Variants in STIM1 observed in about 807,000 individuals in gnomAD.
The protein encoded by STIM1 is stromal interaction molecule 1.
Under a neutral mutation model 74.7 loss-of-function variants are expected in STIM1, and 25 were observed. That is an observed-to-expected ratio of 0.33 (90% CI 0.24 to 0.47). The LOEUF is 0.47. Ranked by LOEUF, STIM1 falls within the 20% of genes least tolerant of loss-of-function variation. The probability of loss-of-function intolerance (pLI) is 1.00; values close to 1 mark genes in which losing one functional copy is unlikely to be tolerated. For missense variants in STIM1, 728 were observed against 920.8 expected (o/e 0.79, Z 2.71); for synonymous variants, 328 against 348.8 (o/e 0.94, Z 0.66).
intron 2 of STIM1, among the ~76,000 whole-genome samples, chr11:4,011,408 A>C (rs1408308045): frequency 6.6e-6 from 1 of 152,158 alleles, no homozygotes; most frequent in Admixed American, 6.5e-5. Context: ...AATGATCTCC[A>C]TTCTAACTGG....
intron 1 of STIM1, among the ~76,000 whole-genome samples, chr11:3,901,656 G>C (rs1463335098): frequency 6.6e-6 from 1 of 152,250 alleles, no homozygotes; most frequent in Non-Finnish European, 1.5e-5. Context: ...TGTTGTTGTA[G>C]AAAGGTATAG....
At chr11:3,931,866 A>G (rs1033958947) in intron 1 of STIM1, among the ~76,000 whole-genome samples, 4 of 152,182 alleles carry the variant, frequency 2.6e-5, no homozygotes, top group African/African-American at 9.7e-5. Flanking sequence ...GTAATATCTG[A>G]GCCCTAGCCT....
Position 3,944,553 on chromosome 11 carries a change from A to G in STIM1, c.140-22999A>G, listed in dbSNP as rs555914106. On this transcript the variant is annotated intron_variant, in intron 1 of 12. Coordinates refer to ENST00000526596, the MANE Select transcript of STIM1 (RefSeq NM_001382567.1). ...CAGTTTTTAACTCTTCATCAATACT[A>G]TGTTTTGGATTTTCCTTTTGTGACA... Among the ~76,000 whole-genome samples the G allele has an allele frequency of 3.9e-5, 6 of 152,338 alleles. No homozygotes were observed. The East Asian group carries it at 7.7e-4, about 20-fold the overall frequency.
intron 1 of STIM1, among the ~76,000 whole-genome samples, chr11:3,860,428 A>C (rs969635798): frequency 2.6e-5 from 4 of 152,222 alleles, no homozygotes; most frequent in South Asian, 2.1e-4. Context: ...GAATCCAGGC[A>C]GTCTGATTCT....
At chr11:3,900,221 C>A (rs188942126) in intron 1 of STIM1, among the ~76,000 whole-genome samples, 1 of 152,134 alleles carries the variant, frequency 6.6e-6, no homozygotes, top group African/African-American at 2.4e-5. Flanking sequence ...ACTCCCTGGG[C>A]GTATGACCCT....
intron 4 of STIM1, among the ~76,000 whole-genome samples, chr11:4,057,063 C>T (rs187200981): frequency 2.0e-5 from 3 of 152,026 alleles, no homozygotes; most frequent in African/African-American, 7.2e-5. Flanking sequence ...TCTGGTGGGC[C>T]CAGAGGACAA....
chr11:3,920,088 A>G (rs1487896916), intron 1 of STIM1, among the ~76,000 whole-genome samples: 1 of 151,172 alleles, frequency 6.6e-6, no homozygotes, highest in Middle Eastern at 3.4e-3. Flanking sequence ...CTTAAAAAAA[A>G]AATTCACATT....
At chr11:3,880,787 C>G (rs1236801635) in intron 1 of STIM1, among the ~76,000 whole-genome samples, 1 of 152,194 alleles carries the variant, frequency 6.6e-6, no homozygotes, top group African/African-American at 2.4e-5. Context: ...AGAGGTCAGT[C>G]AGCCCCTTTC....
chr11:3,941,585 ATGTGTGTG>A (rs111336047), intron 1 of STIM1, among the ~76,000 whole-genome samples: 51 of 139,656 alleles, frequency 3.7e-4, no homozygotes, highest in East Asian at 1.0e-3. Flanking sequence ...AAGCATATAT[ATGTGTGTG>A]TGTGTGTGTG....
At chr11:4,010,627 A>G (rs1295009453) in intron 2 of STIM1, among the ~76,000 whole-genome samples, 1 of 152,162 alleles carries the variant, frequency 6.6e-6, no homozygotes, top group African/African-American at 2.4e-5. Context: ...TAATTTTGAG[A>G]GGAAAATAGG....
At chr11:3,943,120 A>T (rs2093030757) in intron 1 of STIM1, among the ~76,000 whole-genome samples, 1 of 152,192 alleles carries the variant, frequency 6.6e-6, no homozygotes, top group Non-Finnish European at 1.5e-5. Context: ...GTGTCTGTGC[A>T]TGCTCAGCCT....
rs1055329219 is a variant in STIM1 at position 3,924,251 on chromosome 11, T to G, written c.140-43301T>G. 2.7e-5 allele frequency among the ~76,000 whole-genome samples: 4 copies of G among 150,026 alleles called. No homozygotes were observed. The Admixed American group carries it at 2.7e-4, about 10-fold the overall frequency. Reference sequence around the variant, plus strand: ...TCTCCCTCTGTCACCCAGTCTGGAGTGCAGTGGCGCAATCTCGGCTCACTG... The same window carrying G: ...TCTCCCTCTGTCACCCAGTCTGGAGGGCAGTGGCGCAATCTCGGCTCACTG... On this transcript the variant is annotated intron_variant, in intron 1 of 12. Transcript: ENST00000526596.
At chr11:3,863,165 A>T (rs1159773111) in intron 1 of STIM1, among the ~76,000 whole-genome samples, 1 of 151,468 alleles carries the variant, frequency 6.6e-6, no homozygotes, top group Admixed American at 6.6e-5. Flanking sequence ...AAGTGTTGGG[A>T]TTACAGGCGT....
intron 1 of STIM1, among the ~76,000 whole-genome samples, chr11:3,928,614 T>C (rs1401159471): frequency 6.6e-6 from 1 of 152,136 alleles, no homozygotes; most frequent in Non-Finnish European, 1.5e-5. Flanking sequence ...TGTGCGCGTG[T>C]GTGCATGTGT....
At chr11:4,025,439 C>T (rs903890272) in intron 3 of STIM1, among the ~76,000 whole-genome samples, 2 of 152,158 alleles carry the variant, frequency 1.3e-5, no homozygotes, top group African/African-American at 4.8e-5. Context: ...TCTTTAATAG[C>T]TCTCGAGCAA....
intron 1 of STIM1, among the ~76,000 whole-genome samples, chr11:3,903,981 G>A (rs1252098083): frequency 6.6e-5 from 10 of 152,016 alleles, no homozygotes; most frequent in African/African-American, 2.2e-4. Flanking sequence ...GGTAGATCAC[G>A]AGGTCAGCAG....
rs767575798 is a variant in STIM1 at position 4,007,142 on chromosome 11, G to T, written c.271-16731G>T. Among the ~76,000 whole-genome samples, 9 of 152,104 alleles carry T rather than the reference G, an allele frequency of 5.9e-5. 1 individual carries two copies. Among genetic ancestry groups the T allele is most frequent in the Non-Finnish European group, 1.2e-4 (8 of 68,018 alleles). On this transcript the variant is annotated intron_variant, in intron 2 of 12. Transcript: ENST00000526596. Reference sequence around the variant, plus strand: ...GGGAGATCATTTTTCTGGGCGCATGGAACTAAATATACTTACTGACAGCTG... The same window carrying T: ...GGGAGATCATTTTTCTGGGCGCATGTAACTAAATATACTTACTGACAGCTG...
intron 2 of STIM1, among the ~76,000 whole-genome samples, chr11:4,011,503 G>T (rs1000624671): frequency 1.3e-5 from 2 of 152,104 alleles, no homozygotes; most frequent in African/African-American, 2.4e-5. Flanking sequence ...TCATGTGTCT[G>T]TTGGCTGCAT....
Position 4,083,516 on chromosome 11 carries a change from G to C in STIM1, c.1474+18G>C. 6.2e-7 allele frequency: 1 copy of C among 1,601,156 alleles called. No homozygotes were observed. The highest frequency in any genetic ancestry group is 1.1e-5 in the South Asian group (1 of 89,602). ...CATGCAGTGTAGGTGACCTCTTTGC[G>C]GGGATGAAGGAAGGAGCCTTTGATG... On this transcript the variant is annotated intron_variant, in intron 10 of 12. Coordinates refer to ENST00000526596, the MANE Select transcript of STIM1 (RefSeq NM_001382567.1).
Sources: gnomAD v4.1 joint callset for allele counts (sites outside exome capture counted in the v4.1 genomes callset) on GRCh38, gnomAD v4.1.1 for gene constraint, MANE v1.5 for transcripts, NCBI Gene and HGNC (gene_info 2026-07-23, HGNC 2026-07-21) for gene names.